The following RAB3IP variants were observed in gnomAD, a reference collection of about 807,000 sequenced individuals.
RAB3IP encodes the protein rab-3A-interacting protein.
In RAB3IP, 36 loss-of-function variants were observed where a neutral mutation model predicts 59.1. The observed-to-expected ratio is 0.61, with a 90% CI of 0.47 to 0.80. The LOEUF (loss-of-function observed/expected upper bound fraction) is 0.80, where lower values mean the gene tolerates loss of function less well. Ranked by LOEUF, RAB3IP falls within the 30% of genes least tolerant of loss-of-function variation. The pLI, the probability that RAB3IP is intolerant of heterozygous loss-of-function variation, is 0.00. For missense variants in RAB3IP, 511 were observed against 536.0 expected (o/e 0.95, Z 0.46); for synonymous variants, 207 against 191.2 (o/e 1.08, Z -0.68).
chr12:69,790,261 C>T (rs974282827), intron 4 of RAB3IP, among the ~76,000 whole-genome samples: 15 of 152,060 alleles, frequency 9.9e-5, no homozygotes, highest in Non-Finnish European at 1.0e-4. Context: ...CATGGACAAC[C>T]AGTTACCTGA....
chr12:69,755,251 TA>T (rs1196600589), intron 1 of RAB3IP, 132 bp from the exon 2 acceptor site: 6 of 842,282 alleles, frequency 7.1e-6, no homozygotes, highest in Admixed American at 2.9e-5. Context: ...TGTGGTTTTT[TA>T]AAAAAAGCCT....
intron 1 of RAB3IP, chr12:69,739,415 G>A (rs11177816): frequency 0.11 from 17,402 of 160,656 alleles, 1,292 homozygotes; most frequent in Non-Finnish European, 0.16. Flanking sequence ...CCTGGCGGCG[G>A]GCGGGCGCGG....
chr12:69,800,333 G>A lies in RAB3IP; in HGVS notation c.1013G>A (p.Ser338Asn). The part of the protein sequence containing the change: ...DIFPCLTFSK[S>N]ELASAVLEAV... ...TTTCCATGTTTAACATTCTCAAAAA[G>A]TGAGGTAATTTTTTTTCATTTTAGT... Residue 338 changes from serine (S) to asparagine (N), a missense_variant, in exon 7 of 11, where the codon AGT becomes AAT. Coordinates refer to ENST00000247833, the MANE Select transcript of RAB3IP (RefSeq NM_022456.5). 6.4e-7 allele frequency: 1 copy of A among 1,559,894 alleles called. No individual in the cohort carries two copies. The highest frequency in any genetic ancestry group is 8.7e-7 in the Non-Finnish European group (1 of 1,152,574).
chr12:69,750,740 T>C (rs993479615), intron 1 of RAB3IP, among the ~76,000 whole-genome samples: 171 of 146,984 alleles, frequency 1.2e-3, no homozygotes, highest in African/African-American at 3.0e-3. Flanking sequence ...TTTTTTTTTT[T>C]CTTAGGCCAG....
At chr12:69,804,396 C>T (rs1459685816) in intron 8 of RAB3IP, among the ~76,000 whole-genome samples, 2 of 152,100 alleles carry the variant, frequency 1.3e-5, no homozygotes, top group Admixed American at 6.5e-5. Flanking sequence ...TGGATACTAG[C>T]CCTTTGTCAG....
At chr12:69,765,022 A>C (rs766616104) in intron 3 of RAB3IP, among the ~76,000 whole-genome samples, 2 of 152,226 alleles carry the variant, frequency 1.3e-5, no homozygotes, top group Non-Finnish European at 2.9e-5. Flanking sequence ...GTCATTTATC[A>C]GTTCCAGGAA....
chr12:69,798,172 C>T (rs2136239240), intron 6 of RAB3IP, among the ~76,000 whole-genome samples: 1 of 152,316 alleles, frequency 6.6e-6, no homozygotes, highest in East Asian at 1.9e-4. Context: ...CCTCTACATC[C>T]TCTCCAGCAC....
chr12:69,748,196 A>G (rs189221039), intron 1 of RAB3IP, among the ~76,000 whole-genome samples: 160 of 152,176 alleles, frequency 1.1e-3, no homozygotes, highest in African/African-American at 3.6e-3. Context: ...ACTGATATAA[A>G]TCAAGTTGCT....
rs919949267 is a variant in RAB3IP, at chr12:69,822,797, T to A, written c.*7351T>A. 9.2e-5 allele frequency: 14 copies of A among 152,228 alleles called. No homozygotes were observed. The highest frequency in any genetic ancestry group is 3.1e-4 in the African/African-American group (13 of 41,460). 9.4% of individuals were successfully genotyped at this position (152,228 alleles called of 1,614,324 possible). On this transcript the variant is annotated 3_prime_UTR_variant, in exon 11 of 11. Transcript: ENST00000247833. ...TATGTACCCCATAAATATGTACAAC[T>A]ATTATGTATCCATAAAAATTGGAAA...
intron 8 of RAB3IP, among the ~76,000 whole-genome samples, chr12:69,808,122 T>A (rs909848391): frequency 2.0e-5 from 3 of 152,236 alleles, no homozygotes; most frequent in Non-Finnish European, 2.9e-5. Context: ...AAGAACATCT[T>A]TATTTCTGCC....
chr12:69,759,654 G>A, intron 3 of RAB3IP, among the ~76,000 whole-genome samples: 1 of 88,358 alleles, frequency 1.1e-5, no homozygotes, highest in Non-Finnish European at 2.5e-5. Flanking sequence ...GCTGGGCGGG[G>A]GCTGAACCCC....
intron 4 of RAB3IP, among the ~76,000 whole-genome samples, chr12:69,788,391 G>T (rs1876059340): frequency 6.6e-6 from 1 of 152,030 alleles, no homozygotes; most frequent in Non-Finnish European, 1.5e-5. Context: ...GTTGGCACTT[G>T]TGATACAATG....
Position 69,800,194 on chromosome 12 carries a change from C to A in RAB3IP, c.889-15C>A. The A allele has an allele frequency of 6.7e-7, 1 of 1,491,530 alleles. No homozygotes were observed. The highest frequency in any genetic ancestry group is 8.9e-7 in the Non-Finnish European group (1 of 1,123,928). The allele number at this position is 1,491,530 out of a possible 1,614,324, so 92.4% of individuals were successfully genotyped here. A position where few individuals can be genotyped will look rare whatever the true frequency, so the allele number is the denominator to read the frequency against. On this transcript the variant is annotated splice_polypyrimidine_tract_variant and intron_variant, in intron 6 of 10. Transcript: ENST00000247833. ...GTTTTAAAACATGTTTTTGTGTTTT[C>A]CTTTGGTTTGTTAGGCTGACTTATC...
At chr12:69,748,810 C>T (rs1022678832) in intron 1 of RAB3IP, among the ~76,000 whole-genome samples, 5 of 152,078 alleles carry the variant, frequency 3.3e-5, no homozygotes, top group Middle Eastern at 3.2e-3. Context: ...CTTATAAAGA[C>T]GTATGTGAAA....
intron 6 of RAB3IP, among the ~76,000 whole-genome samples, chr12:69,799,703 AT>A (rs1276734577): frequency 1.3e-5 from 2 of 152,136 alleles, no homozygotes; most frequent in Non-Finnish European, 2.9e-5. Context: ...AATTAGTGTC[AT>A]TTTTGATCCC....
intron 3 of RAB3IP, among the ~76,000 whole-genome samples, chr12:69,773,423 T>TTTTA: frequency 7.9e-6 from 1 of 126,464 alleles, no homozygotes; most frequent in African/African-American, 3.1e-5. Context: ...TTTTTTTTTT[T>TTTTA]ATTATACTCT....
At chr12:69,742,480 T>C (rs529432600) in intron 1 of RAB3IP, among the ~76,000 whole-genome samples, 4 of 152,292 alleles carry the variant, frequency 2.6e-5, no homozygotes, top group African/African-American at 9.6e-5. Context: ...AACTTTGATA[T>C]TTGTGTTGTA....
rs568790084 is a variant in RAB3IP at position 69,765,912 on chromosome 12, A to G, written c.510+9249A>G. Among the ~76,000 whole-genome samples the G allele has an allele frequency of 5.9e-5, 9 of 152,310 alleles. No individual in the cohort carries two copies. The South Asian group carries it at 1.9e-3, about 32-fold the overall frequency. The stretch of plus-strand genomic sequence containing the variant: ...TCCTTTGCTTATGAAGCTTAGTTTG[A>G]CAGGATATGAAATTCTTGGTTAGAA... On this transcript the variant is annotated intron_variant, in intron 3 of 10. Coordinates refer to ENST00000247833, the MANE Select transcript of RAB3IP (RefSeq NM_022456.5).
At chr12:69,789,717 A>C (rs1876301573) in intron 4 of RAB3IP, among the ~76,000 whole-genome samples, 1 of 152,228 alleles carries the variant, frequency 6.6e-6, no homozygotes, top group Non-Finnish European at 1.5e-5. Context: ...TCAGTAACAT[A>C]TTAAAAGGAT....
Sources: allele counts gnomAD v4.1 joint callset (sites outside exome capture counted in the v4.1 genomes callset), GRCh38; gene constraint gnomAD v4.1.1; transcripts MANE v1.5; gene names NCBI Gene and HGNC (gene_info 2026-07-23, HGNC 2026-07-21).